The following NMUR2 variants were observed in gnomAD, a reference collection of about 807,000 sequenced individuals.
The protein encoded by NMUR2 is neuromedin U receptor 2.
In NMUR2, 24 loss-of-function variants were observed where a neutral mutation model predicts 25.1. That is an observed-to-expected ratio of 0.96 (90% CI 0.69 to 1.34). NMUR2 has a LOEUF of 1.34. Ranked by LOEUF, NMUR2 falls within the 40% of genes most tolerant of loss-of-function variation. The pLI is 0.00. For synonymous variants in NMUR2, 218 were observed against 208.1 expected (o/e 1.05, Z -0.41); for missense variants, 533 against 512.8 (o/e 1.04, Z -0.38).
At position 152,391,828 on chromosome 5, in the gene NMUR2, C is replaced by T. The variant is rs956007141; in HGVS notation, c.*363G>A. The T allele has an allele frequency of 5.4e-5, 10 of 185,004 alleles. No homozygotes were observed. The South Asian group carries it at 1.1e-3, about 20-fold the overall frequency. The allele number at this position is 185,004 out of a possible 1,614,324, so 11.5% of individuals were successfully genotyped here. ...TCTTCCTTCTGTGGCTCACAGTGGCCATTGGTAGTAGGAGTGACAGCCTGA... is the reference window on the plus strand; with the variant it reads ...TCTTCCTTCTGTGGCTCACAGTGGCTATTGGTAGTAGGAGTGACAGCCTGA... On this transcript the variant is annotated 3_prime_UTR_variant, in exon 4 of 4. Transcript: ENST00000255262.
chr5:152,398,737 T>G (rs1372791926), intron 1 of NMUR2, among the ~76,000 whole-genome samples: 1 of 152,156 alleles, frequency 6.6e-6, no homozygotes, highest in Non-Finnish European at 1.5e-5. Context: ...GGAGATAGTG[T>G]TTATTTGAGT....
chr5:152,392,250 GGGC>G lies in NMUR2; in HGVS notation c.1186_1188del (p.Ala396del), dbSNP rs1307205678. The G allele has an allele frequency of 2.1e-5, 34 of 1,613,778 alleles. No individual in the cohort carries two copies. Among genetic ancestry groups the G allele is most frequent in the African/African-American group, 2.7e-5 (2 of 74,886 alleles). On this transcript the variant is annotated inframe_deletion, in exon 4 of 4. Coordinates refer to ENST00000255262, the MANE Select transcript of NMUR2 (RefSeq NM_020167.5). ...GTTCTTGACATCTGTTCACTAGAGA[GGGC>G]TGCTGGGAGGTGAGAGTTGTGCATG...
At chr5:152,392,558 A>T in intron 3 of NMUR2, 57 bp from the exon 4 acceptor site, 1 of 1,364,130 alleles carries the variant, frequency 7.3e-7, no homozygotes, top group South Asian at 1.3e-5. Context: ...GACCGGCATG[A>T]AGGAAGAAGC....
rs778754996 is a variant in NMUR2, at chr5:152,405,092, G to C, written c.22C>G (p.Gln8Glu). 17 of 1,608,582 alleles carry C rather than the reference G, an allele frequency of 1.1e-5. No individual in the cohort carries two copies. The South Asian group carries it at 1.7e-4, about 16-fold the overall frequency. The change falls in exon 1 of 4, where the codon CAG becomes GAG. Residue 8 changes from glutamine (Q) to glutamate (E), a missense_variant. Gln to Glu is a conservative substitution (Grantham distance 29). Coordinates refer to ENST00000255262, the MANE Select transcript of NMUR2 (RefSeq NM_020167.5). Reference protein sequence around the residue: MSGMEKLQNASWIYQQKL... With the variant: MSGMEKLENASWIYQQKL... ...TGCTGGTAGATCCAGGAAGCATTCT[G>C]AAGTTTTTCCATCCCTGACATTAAA... is the stretch of plus-strand genomic sequence containing the variant.
chr5:152,399,562 C>T (rs1753219401), intron 1 of NMUR2, among the ~76,000 whole-genome samples: 1 of 151,720 alleles, frequency 6.6e-6, no homozygotes, highest in Non-Finnish European at 1.5e-5. Flanking sequence ...TTTTTTCCAC[C>T]ACAAAGAAAA....
chr5:152,394,631 G>A (rs1753117739), intron 3 of NMUR2, among the ~76,000 whole-genome samples: 1 of 152,160 alleles, frequency 6.6e-6, no homozygotes, highest in South Asian at 2.1e-4. Flanking sequence ...TAGATGACTT[G>A]GGTGGGTTAT....
At chr5:152,392,551 C>T (rs758798417) in intron 3 of NMUR2, 50 bp from the exon 4 acceptor site, 52 of 1,426,458 alleles carry the variant, frequency 3.6e-5, no homozygotes, top group Admixed American at 9.6e-5. Flanking sequence ...CTTAAGTGAC[C>T]GGCATGAAGG....
intron 3 of NMUR2, among the ~76,000 whole-genome samples, chr5:152,394,882 G>T (rs554133513): frequency 2.9e-5 from 4 of 135,786 alleles, no homozygotes; most frequent in Non-Finnish European, 6.1e-5. Flanking sequence ...TACAGTTGAG[G>T]AAACTTTGGT....
intron 1 of NMUR2, among the ~76,000 whole-genome samples, chr5:152,399,552 T>A (rs1008536168): frequency 6.6e-6 from 1 of 152,088 alleles, no homozygotes; most frequent in Non-Finnish European, 1.5e-5. Flanking sequence ...AAACGTTATT[T>A]TTTTTCCACC....
At chr5:152,399,121 T>G (rs1330907897) in intron 1 of NMUR2, among the ~76,000 whole-genome samples, 1 of 152,294 alleles carries the variant, frequency 6.6e-6, no homozygotes, top group South Asian at 2.1e-4. Context: ...ATTTTACACA[T>G]TTTTTAATTT....
At position 152,404,464 on chromosome 5, in the gene NMUR2, A is replaced by T. The variant is rs200336223; in HGVS notation, c.650T>A (p.Ile217Asn). The T allele has an allele frequency of 7.2e-5, 117 of 1,614,106 alleles. 1 individual carries two copies. In the East Asian group the frequency reaches 2.5e-3, roughly 35 times the overall value. ...GTAGAATAGGAAGGAGGTGACCTGG[A>T]TGATGAAATTGTAGATCCACATGGG... Reference protein sequence around the residue: ...IKPMWIYNFIIQVTSFLFYLL... With the variant: ...IKPMWIYNFINQVTSFLFYLL... The change falls in exon 1 of 4, where the codon ATC becomes AAC. Residue 217 changes from isoleucine (I) to asparagine (N), a missense_variant. Transcript: ENST00000255262.
At chr5:152,399,486 T>A (rs563050560) in intron 1 of NMUR2, among the ~76,000 whole-genome samples, 2 of 152,262 alleles carry the variant, frequency 1.3e-5, no homozygotes, top group African/African-American at 4.8e-5. Context: ...TTTTCATTTA[T>A]TTTTTATTGG....
intron 3 of NMUR2, among the ~76,000 whole-genome samples, chr5:152,395,169 A>C (rs551720560): frequency 1.3e-5 from 2 of 152,274 alleles, no homozygotes; most frequent in South Asian, 4.1e-4. Flanking sequence ...TTGCATGGCC[A>C]TTTGGAGGAT....
At chr5:152,393,171 T>G (rs1753092388) in intron 3 of NMUR2, among the ~76,000 whole-genome samples, 1 of 152,222 alleles carries the variant, frequency 6.6e-6, no homozygotes, top group Admixed American at 6.5e-5. Flanking sequence ...AGTTTGGGAA[T>G]CAGAGGACCT....
Position 152,392,466 on chromosome 5 carries a change from TG to T in NMUR2, c.972del (p.Ile325LeufsTer17). The T allele has an allele frequency of 6.2e-7, 1 of 1,613,786 alleles. No individual in the cohort carries two copies. The highest frequency in any genetic ancestry group is 2.2e-5 in the East Asian group (1 of 44,874). ...VFFYLSSAVNPIIYNLLSRRF... is the reference protein window; with the variant it reads ...VFFYLSSAVNXIIYNLLSRRF... ...CGGCGAGACAGTAGGTTATAGATAA[TG>T]GGGTTGACAGCTGAGCTCAGGTAGA... is the stretch of plus-strand genomic sequence containing the variant. On this transcript the variant is annotated frameshift_variant, in exon 4 of 4. Coordinates refer to ENST00000255262, the MANE Select transcript of NMUR2 (RefSeq NM_020167.5). LOFTEE classifies it low-confidence loss of function (END_TRUNC).
chr5:152,402,809 T>A (rs760943912), intron 1 of NMUR2, among the ~76,000 whole-genome samples: 1 of 152,172 alleles, frequency 6.6e-6, no homozygotes, highest in Non-Finnish European at 1.5e-5. Context: ...GGGTGGGACA[T>A]GTCTCTGGGA....
At chr5:152,403,496 A>G (rs1180329272) in intron 1 of NMUR2, among the ~76,000 whole-genome samples, 1 of 152,086 alleles carries the variant, frequency 6.6e-6, no homozygotes, top group Non-Finnish European at 1.5e-5. Context: ...CTTCTGAAAA[A>G]GAAATCAGTT....
chr5:152,398,470 T>G (rs1753200530), intron 1 of NMUR2, among the ~76,000 whole-genome samples: 1 of 152,058 alleles, frequency 6.6e-6, no homozygotes, highest in Non-Finnish European at 1.5e-5. Flanking sequence ...TAGAAAGGCT[T>G]CTCAATTCAT....
In NMUR2 at chr5:152,404,995, C is replaced by T. The variant is rs768254421; in HGVS notation, c.119G>A (p.Arg40Gln). 4.3e-6 allele frequency: 7 copies of T among 1,613,878 alleles called. No homozygotes were observed. The highest frequency in any genetic ancestry group is 5.9e-6 in the Non-Finnish European group (7 of 1,179,944). ...CACGGGGAGGAAGAAGTGGCTGCGC[C>T]GAGGTCCGCAGAGGAAGGCCAGATA... Reference protein sequence around the residue: ...EEYLAFLCGPRRSHFFLPVSV... With the variant: ...EEYLAFLCGPQRSHFFLPVSV... Residue 40 changes from arginine (R) to glutamine (Q), a missense_variant, in exon 1 of 4, where the codon CGG (arginine) becomes CAG (glutamine). Arg to Gln is a conservative substitution (Grantham distance 43). Transcript: ENST00000255262.
Sources: gnomAD v4.1 joint callset for allele counts (sites outside exome capture counted in the v4.1 genomes callset) on GRCh38, gnomAD v4.1.1 for gene constraint, MANE v1.5 for transcripts, NCBI Gene and HGNC (gene_info 2026-07-23, HGNC 2026-07-21) for gene names.